Variants in PCDHA8 observed in about 807,000 individuals in gnomAD.
PCDHA8 encodes protocadherin alpha-8.
PCDHA8 carries 53 observed loss-of-function variants against 61.8 expected under a neutral mutation model. The ratio of observed to expected loss-of-function variants is 0.86; its 90% CI spans 0.69 to 1.08. The LOEUF (loss-of-function observed/expected upper bound fraction) is 1.08, where lower values mean the gene tolerates loss of function less well. Among genes scored for constraint, PCDHA8 ranks in the 50% least tolerant of loss-of-function variants. The pLI is 0.00. For synonymous variants in PCDHA8, 618 were observed against 556.6 expected (o/e 1.11, Z -1.55); for missense variants, 1,293 against 1,245.0 (o/e 1.04, Z -0.58).
chr5:140,989,128 G>A (rs2097330831), intron 3 of PCDHA8: 1 of 152,178 alleles, frequency 6.6e-6, no homozygotes, highest in Non-Finnish European at 1.5e-5. Flanking sequence ...AGAAAAATAA[G>A]ACACTTTATC....
In PCDHA8 at chr5:140,929,213, A is replaced by T. The variant is rs199608631; in HGVS notation, c.2395-49736A>T. On this transcript the variant is annotated intron_variant, in intron 1 of 3. Coordinates refer to ENST00000531613, the MANE Select transcript of PCDHA8 (RefSeq NM_018911.3). ...AATAACAGTTTGCTGTTGCGTGGGG[A>T]GTACAATGCTGCCGACCTGCGAAAT... 3 of 1,614,052 alleles carry T rather than the reference A, an allele frequency of 1.9e-6. No homozygotes were observed. The East Asian group carries it at 6.7e-5, about 36-fold the overall frequency.
intron 1 of PCDHA8, among the ~76,000 whole-genome samples, chr5:140,855,465 T>G (rs1363813881): frequency 2.0e-5 from 3 of 149,888 alleles, no homozygotes; most frequent in South Asian, 2.1e-4. Context: ...ACCTCACAGA[T>G]AGTTGATGCT....
chr5:140,999,040 G>A (rs1450256691), intron 3 of PCDHA8, among the ~76,000 whole-genome samples: 2 of 152,218 alleles, frequency 1.3e-5, no homozygotes, highest in African/African-American at 2.4e-5. Context: ...TTCGTCCAGT[G>A]TGCTTTCCAC....
At chr5:140,985,619 G>A (rs961379624) in intron 3 of PCDHA8, among the ~76,000 whole-genome samples, 1 of 152,064 alleles carries the variant, frequency 6.6e-6, no homozygotes, top group Non-Finnish European at 1.5e-5. Flanking sequence ...TGAACCAGCT[G>A]TGTATTGCTC....
intron 1 of PCDHA8, among the ~76,000 whole-genome samples, chr5:140,903,298 A>G (rs1218115864): frequency 6.6e-6 from 1 of 152,170 alleles, no homozygotes; most frequent in Non-Finnish European, 1.5e-5. Context: ...TAGGAAATTT[A>G]GTATACAATA....
chr5:140,868,940 A>G, intron 1 of PCDHA8: 1 of 1,249,402 alleles, frequency 8.0e-7, no homozygotes, highest in South Asian at 1.6e-5. Context: ...GGTTGGTCTG[A>G]ACAGTGAGGC....
chr5:141,010,124 G>A lies in PCDHA8; in HGVS notation c.*187G>A. ...GGTTTTGTCGTAAAAGCTTTACTAAGTCTGGTGTTAACTCTTTCTCTCCAC... is the reference window on the plus strand; with the variant it reads ...GGTTTTGTCGTAAAAGCTTTACTAAATCTGGTGTTAACTCTTTCTCTCCAC... On this transcript the variant is annotated 3_prime_UTR_variant, in exon 4 of 4. Coordinates refer to ENST00000531613, the MANE Select transcript of PCDHA8 (RefSeq NM_018911.3). The A allele has an allele frequency of 1.2e-6, 2 of 1,605,172 alleles. No homozygotes were observed. The highest frequency in any genetic ancestry group is 1.7e-6 in the Non-Finnish European group (2 of 1,175,146).
intron 3 of PCDHA8, among the ~76,000 whole-genome samples, chr5:140,992,987 C>G (rs1259400627): frequency 6.6e-6 from 1 of 152,158 alleles, no homozygotes; most frequent in East Asian, 1.9e-4. Context: ...GGCCATGGGA[C>G]CCATGAAAGA....
At chr5:140,924,208 G>T (rs1197265860) in intron 1 of PCDHA8, among the ~76,000 whole-genome samples, 1 of 152,238 alleles carries the variant, frequency 6.6e-6, no homozygotes, top group Non-Finnish European at 1.5e-5. Flanking sequence ...GAAATTTGGT[G>T]AAGAATAAGT....
intron 1 of PCDHA8, among the ~76,000 whole-genome samples, chr5:140,919,522 C>CT (rs1554199133): frequency 6.6e-6 from 1 of 152,000 alleles, no homozygotes; most frequent in African/African-American, 2.4e-5. Context: ...TTTTAATTCT[C>CT]TTTTTTTCCT....
intron 1 of PCDHA8, among the ~76,000 whole-genome samples, chr5:140,913,256 T>C (rs1162098506): frequency 6.6e-6 from 1 of 152,208 alleles, no homozygotes; most frequent in East Asian, 1.9e-4. Context: ...ACAACTTTGA[T>C]CTAATTACTT....
rs1265015709 is a variant in PCDHA8 at position 140,843,042 on chromosome 5, G to A, written c.1721G>A (p.Gly574Asp). The A allele has an allele frequency of 6.3e-7, 1 of 1,595,054 alleles. No individual in the cohort carries two copies. The highest frequency in any genetic ancestry group is 8.6e-7 in the Non-Finnish European group (1 of 1,165,358). Residue 574 changes from glycine (G) to aspartate (D), a missense_variant, in exon 1 of 4, where the codon GGT becomes GAT. Transcript: ENST00000531613. ...ALLEPRVGGTGGAASKLVPRS... is the reference protein window; with the variant it reads ...ALLEPRVGGTDGAASKLVPRS... ...CTGGAGCCTCGGGTGGGTGGCACTG[G>A]TGGCGCAGCGAGCAAGCTGGTGCCG... is the stretch of plus-strand genomic sequence containing the variant.
chr5:140,913,125 C>G (rs1164527264), intron 1 of PCDHA8, among the ~76,000 whole-genome samples: 1 of 152,132 alleles, frequency 6.6e-6, no homozygotes, highest in Non-Finnish European at 1.5e-5. Context: ...AAGTTAACCC[C>G]TCCTCTACTT....
intron 1 of PCDHA8, chr5:140,881,433 T>A (rs1554172102): frequency 1.1e-6 from 1 of 872,990 alleles, no homozygotes; most frequent in African/African-American, 1.8e-5. Context: ...AGGCATATTT[T>A]ATAAAAACAG....
chr5:140,923,142 T>C (rs553287064), intron 1 of PCDHA8, among the ~76,000 whole-genome samples: 9 of 152,006 alleles, frequency 5.9e-5, no homozygotes, highest in Non-Finnish European at 1.2e-4. Context: ...AGGTGGAATA[T>C]AAAAAAAATT....
chr5:140,876,554 A>G (rs2056417075), intron 1 of PCDHA8: 1 of 1,614,052 alleles, frequency 6.2e-7, no homozygotes, highest in South Asian at 1.1e-5. Flanking sequence ...CCTGTGCAAG[A>G]GGATGCTCAG....
chr5:140,966,113 A>T (rs1224729629), intron 1 of PCDHA8: 1 of 155,768 alleles, frequency 6.4e-6, no homozygotes, highest in African/African-American at 2.4e-5. Flanking sequence ...GGGTGCCCAT[A>T]CTTAGCTAAG....
chr5:140,947,905 G>C (rs181055131), intron 1 of PCDHA8, among the ~76,000 whole-genome samples: 1 of 151,610 alleles, frequency 6.6e-6, no homozygotes, highest in East Asian at 1.9e-4. Flanking sequence ...GGTGAGAGCA[G>C]ACATTCTTGC....
chr5:140,886,827 GAAA>G (rs782016620), intron 1 of PCDHA8, among the ~76,000 whole-genome samples: 1 of 60,882 alleles, frequency 1.6e-5, no homozygotes. Flanking sequence ...ACTTCGTCTT[GAAA>G]AAAAAAAAAA....
Sources: gnomAD v4.1 joint callset for allele counts (sites outside exome capture counted in the v4.1 genomes callset) on GRCh38, gnomAD v4.1.1 for gene constraint, MANE v1.5 for transcripts, NCBI Gene and HGNC (gene_info 2026-07-23, HGNC 2026-07-21) for gene names.